Variants in MRGPRF observed in about 807,000 individuals in gnomAD.
MRGPRF encodes the protein mas-related G protein-coupled receptor member F.
Under a neutral mutation model 3.3 loss-of-function variants are expected in MRGPRF, and 2 were observed. That is an observed-to-expected ratio of 0.61 (90% confidence interval 0.25 to 1.92). MRGPRF has a LOEUF of 1.92. Ranked by LOEUF, MRGPRF falls within the 40% of genes most tolerant of loss-of-function variation. The probability of loss-of-function intolerance (pLI) is 0.16; values close to 1 mark genes in which losing one functional copy is unlikely to be tolerated. For missense variants in MRGPRF, 500 were observed against 476.0 expected (o/e 1.05, Z -0.47); for synonymous variants, 242 against 222.7 (o/e 1.09, Z -0.77).
chr11:69,007,211 T>C (rs1374631512), intron 2 of MRGPRF, among the ~76,000 whole-genome samples: 2 of 152,142 alleles, frequency 1.3e-5, no homozygotes, highest in African/African-American at 2.4e-5. Flanking sequence ...AATTTACTTT[T>C]GTTTGTTTGT....
intron 2 of MRGPRF, among the ~76,000 whole-genome samples, chr11:69,008,274 C>A (rs1376687093): frequency 6.6e-6 from 1 of 152,216 alleles, no homozygotes; most frequent in Non-Finnish European, 1.5e-5. Context: ...ACCTTTCCCC[C>A]CAGAGGCAAA....
At chr11:69,006,301 G>GC (rs747077719) in intron 2 of MRGPRF, 40 bp from the exon 3 acceptor site, 11 of 1,553,756 alleles carry the variant, frequency 7.1e-6, no homozygotes, top group Non-Finnish European at 8.7e-6. Flanking sequence ...ATGCCGGCTG[G>GC]CCCCCACCCA....
intron 1 of MRGPRF, among the ~76,000 whole-genome samples, chr11:69,010,875 G>A (rs1446458406): frequency 2.0e-5 from 3 of 152,102 alleles, no homozygotes; most frequent in Non-Finnish European, 4.4e-5. Flanking sequence ...CCCCCAACCT[G>A]AGCTTCACCC....
In MRGPRF at chr11:69,005,649, T is replaced by C; in HGVS notation, c.661A>G (p.Ile221Val). Residue 221 changes from isoleucine (I) to valine (V), a missense_variant, in exon 3 of 3, where the codon ATC (isoleucine) becomes GTC (valine). Ile to Val is a conservative substitution (Grantham distance 29). Coordinates refer to ENST00000309099, the MANE Select transcript of MRGPRF (RefSeq NM_145015.5). ...CGGGCCCGGCACTCCACGTGCAGGA[T>C]GAGGGCCAGGCAGGGCAGCACCATG... ...PLMVLPCLALILHVECRARRR... is the reference protein window; with the variant it reads ...PLMVLPCLALVLHVECRARRR... 4 of 1,552,686 alleles carry C rather than the reference T, an allele frequency of 2.6e-6. No homozygotes were observed. The highest frequency in any genetic ancestry group is 3.5e-6 in the Non-Finnish European group (4 of 1,148,026).
At chr11:69,013,321 A>C (rs535328223), upstream of MRGPRF, 4 of 152,154 alleles carry the variant, frequency 2.6e-5, no homozygotes, top group Non-Finnish European at 5.9e-5. Flanking sequence ...GAGTAGGAGG[A>C]GGGGCTGAGC....
chr11:69,009,911 T>G lies in MRGPRF; in HGVS notation c.-10A>C, dbSNP rs1388732670. On this transcript the variant is annotated 5_prime_UTR_variant, in exon 2 of 3. Coordinates refer to ENST00000309099, the MANE Select transcript of MRGPRF (RefSeq NM_145015.5). ...AGCAGTTTCCAGCCATCTCCAGGCC[T>G]GGCGCGTCTGGGCCCCTGCTGGCAG... 3 of 1,601,318 alleles carry G rather than the reference T, an allele frequency of 1.9e-6. No homozygotes were observed. Among genetic ancestry groups the G allele is most frequent in the African/African-American group, 2.7e-5 (2 of 74,802 alleles).
Position 69,005,059 on chromosome 11 carries a change from G to T in MRGPRF, c.*219C>A, listed in dbSNP as rs1860439922. 2 of 594,618 alleles carry T rather than the reference G, an allele frequency of 3.4e-6. No individual in the cohort carries two copies. Among genetic ancestry groups the T allele is most frequent in the Admixed American group, 3.5e-5 (1 of 28,190 alleles). The allele number at this position is 594,618 out of a possible 1,614,324, so 36.8% of individuals were successfully genotyped here. On this transcript the variant is annotated 3_prime_UTR_variant, in exon 3 of 3. Coordinates refer to ENST00000309099, the MANE Select transcript of MRGPRF (RefSeq NM_145015.5). The stretch of plus-strand genomic sequence containing the variant: ...AAGAGGTCTCTAGGGGAGCAGAATG[G>T]GTGGGGGAGCCGGGCAGGGGCCACA...
chr11:69,008,999 G>A (rs953768595), intron 2 of MRGPRF, among the ~76,000 whole-genome samples: 1 of 152,228 alleles, frequency 6.6e-6, no homozygotes, highest in African/African-American at 2.4e-5. Flanking sequence ...CCCACCCTGG[G>A]CTCTGCCTTT....
rs1394623358 is a variant in MRGPRF, at chr11:69,004,781, G to A, written c.*497C>T. 2 of 154,144 alleles carry A rather than the reference G, an allele frequency of 1.3e-5. No homozygotes were observed. The highest frequency in any genetic ancestry group is 1.3e-4 in the Admixed American group (2 of 15,354). 9.5% of individuals were successfully genotyped at this position (154,144 alleles called of 1,614,324 possible). A position where few individuals can be genotyped will look rare whatever the true frequency, so the allele number is the denominator to read the frequency against. ...GTTTGCAGAAAGACTTAGCTACAAGGCATGTGAACCAGAACTTTCTTCCAG... is the reference window on the plus strand; with the variant it reads ...GTTTGCAGAAAGACTTAGCTACAAGACATGTGAACCAGAACTTTCTTCCAG... On this transcript the variant is annotated 3_prime_UTR_variant, in exon 3 of 3. Coordinates refer to ENST00000309099, the MANE Select transcript of MRGPRF (RefSeq NM_145015.5).
intron 2 of MRGPRF, 71 bp from the exon 3 acceptor site, chr11:69,006,332 A>G: frequency 2.5e-6 from 3 of 1,217,236 alleles, no homozygotes; most frequent in South Asian, 1.4e-5. Context: ...TCTGGGGCCC[A>G]GCGTGGGGGA....
chr11:69,006,436 C>T (rs1590679201), intron 2 of MRGPRF, among the ~76,000 whole-genome samples, 175 bp from the exon 3 acceptor site: 1 of 152,104 alleles, frequency 6.6e-6, no homozygotes, highest in South Asian at 2.1e-4. Context: ...TATCCTCAAA[C>T]GCCCCTGACC....
At position 69,007,354 on chromosome 11, in the gene MRGPRF, C is replaced by T. The variant is rs975402746; in HGVS notation, c.49-1093G>A. On this transcript the variant is annotated intron_variant, in intron 2 of 2. Coordinates refer to ENST00000309099, the MANE Select transcript of MRGPRF (RefSeq NM_145015.5). ...TCCCGAGTAGCTGGGACTACAGGCACGCACCGCCATGCCTGACTAATTTTT... is the reference window on the plus strand; with the variant it reads ...TCCCGAGTAGCTGGGACTACAGGCATGCACCGCCATGCCTGACTAATTTTT... Among the ~76,000 whole-genome samples, 25 of 152,294 alleles carry T rather than the reference C, an allele frequency of 1.6e-4. 1 individual carries two copies. Among genetic ancestry groups the T allele is most frequent in the Admixed American group, 6.5e-4 (10 of 15,296 alleles).
intron 2 of MRGPRF, chr11:69,009,519 T>A: frequency 1.7e-6 from 1 of 583,464 alleles, no homozygotes; most frequent in East Asian, 2.9e-5. Flanking sequence ...CTGGCCCGCC[T>A]GGCTGTAGTA....
rs760659030 is a variant in MRGPRF, at chr11:69,006,292, T to G, written c.49-31A>C. The G allele has an allele frequency of 1.0e-5, 16 of 1,544,544 alleles. No homozygotes were observed. In the East Asian group the frequency reaches 3.5e-4, roughly 34 times the overall value. On this transcript the variant is annotated intron_variant, in intron 2 of 2. Coordinates refer to ENST00000309099, the MANE Select transcript of MRGPRF (RefSeq NM_145015.5). ...CAGGTGCAGAGAGGGACACCTGTGA[T>G]GCCGGCTGGCCCCCACCCACAGACC...
At chr11:69,010,026 C>T (rs1381214188) in intron 1 of MRGPRF, 69 bp from the exon 2 acceptor site, 3 of 1,072,634 alleles carry the variant, frequency 2.8e-6, no homozygotes, top group Middle Eastern at 3.1e-4. Context: ...ACCCCCGTGC[C>T]TAGGCCCCCA....
intron 1 of MRGPRF, among the ~76,000 whole-genome samples, chr11:69,010,606 C>T (rs968027277): frequency 1.3e-5 from 2 of 152,190 alleles, no homozygotes; most frequent in African/African-American, 4.8e-5. Context: ...CTTTGATGGG[C>T]GCTCCTGGGC....
intron 1 of MRGPRF, chr11:69,012,430 C>G (rs1860618123): frequency 2.0e-5 from 3 of 152,302 alleles, no homozygotes; most frequent in Non-Finnish European, 4.4e-5. Flanking sequence ...TCTGGAGTCC[C>G]CTGCTTAACA....
intron 2 of MRGPRF, 120 bp from the exon 3 acceptor site, chr11:69,006,381 GGTCT>G (rs1860492064): frequency 8.1e-7 from 1 of 1,228,136 alleles, no homozygotes; most frequent in Non-Finnish European, 1.1e-6. Flanking sequence ...GCAGGGAGGG[GGTCT>G]GTAAGGCAGT....
chr11:69,011,499 T>C (rs998667121), intron 1 of MRGPRF, among the ~76,000 whole-genome samples: 12 of 152,194 alleles, frequency 7.9e-5, no homozygotes, highest in Non-Finnish European at 1.8e-4. Flanking sequence ...GTGTGTGCAG[T>C]GGGCTTGCAG....
Sources: gnomAD v4.1 joint callset for allele counts (sites outside exome capture counted in the v4.1 genomes callset) on GRCh38, gnomAD v4.1.1 for gene constraint, MANE v1.5 for transcripts, NCBI Gene and HGNC (gene_info 2026-07-23, HGNC 2026-07-21) for gene names.